Variants in GRHL3 observed in about 807,000 individuals in gnomAD.
The protein encoded by GRHL3 is grainyhead like transcription factor 3.
A neutral mutation model predicts 70.3 loss-of-function variants in GRHL3; 20 were observed. That is an observed-to-expected ratio of 0.28 (90% confidence interval 0.20 to 0.41). The LOEUF is 0.41. Among genes scored for constraint, GRHL3 ranks in the 10% least tolerant of loss-of-function variants. The probability of loss-of-function intolerance (pLI) is 1.00; values close to 1 mark genes in which losing one functional copy is unlikely to be tolerated. For synonymous variants in GRHL3, 299 were observed against 299.9 expected (o/e 1.00, Z 0.03); for missense variants, 637 against 762.3 (o/e 0.84, Z 1.94).
At chr1:24,349,243 C>T (rs1413937390) in intron 14 of GRHL3, among the ~76,000 whole-genome samples, 2 of 152,196 alleles carry the variant, frequency 1.3e-5, no homozygotes, top group African/African-American at 4.8e-5. Flanking sequence ...ACTCAACAAG[C>T]CTCTGACCCA....
At chr1:24,339,330 C>T (rs1021033619) in intron 7 of GRHL3, among the ~76,000 whole-genome samples, 4 of 150,150 alleles carry the variant, frequency 2.7e-5, no homozygotes, top group Non-Finnish European at 3.0e-5. Context: ...GGCTAGAGTG[C>T]AGTGGCGCGA....
chr1:24,363,906 T>C (rs1569974990), intron 15 of GRHL3, among the ~76,000 whole-genome samples: 1 of 152,188 alleles, frequency 6.6e-6, no homozygotes, highest in South Asian at 2.1e-4. Context: ...CTAGACTGCC[T>C]TCAACCCTCC....
chr1:24,353,258 G>A (rs980051769), intron 15 of GRHL3, among the ~76,000 whole-genome samples: 6 of 152,092 alleles, frequency 3.9e-5, no homozygotes, highest in African/African-American at 1.4e-4. Context: ...CAAAACTCCT[G>A]GAAGGCAGGA....
Position 24,322,608 on chromosome 1 carries a change from G to C in GRHL3, c.17+3040G>C, listed in dbSNP as rs1639241509. On this transcript the variant is annotated intron_variant, in intron 1 of 15. Coordinates refer to ENST00000361548, the MANE Select transcript of GRHL3 (RefSeq NM_198173.3). The surrounding 1 kb of genome is among the most constrained non-coding windows in gnomAD (Gnocchi z 4.4). ...CGGCGGCGGCCCGGGCGGCGCGGGG[G>C]TCCTGCGGCTCCGCCAGCTGCTGGG... Among the ~76,000 whole-genome samples the C allele has an allele frequency of 6.6e-6, 1 of 152,230 alleles. No individual in the cohort carries two copies. Among genetic ancestry groups the C allele is most frequent in the African/African-American group, 2.4e-5 (1 of 41,466 alleles).
chr1:24,362,915 G>A (rs959622433), intron 15 of GRHL3, among the ~76,000 whole-genome samples: 2 of 152,216 alleles, frequency 1.3e-5, no homozygotes, highest in African/African-American at 4.8e-5. Flanking sequence ...GTTACAGGGT[G>A]TAATCAACAA....
intron 5 of GRHL3, 104 bp from the exon 6 acceptor site, chr1:24,337,532 A>G: frequency 8.0e-7 from 1 of 1,243,508 alleles, no homozygotes; most frequent in Non-Finnish European, 1.1e-6. Context: ...TCCAAGGTCA[A>G]ACAGCAAGTC....
chr1:24,364,198 C>T (rs1641300949), exon 16 of GRHL3: 1 of 1,516,028 alleles, frequency 6.6e-7, no homozygotes, highest in African/African-American at 1.4e-5. Context: ...AACTTCTCTC[C>T]TCCACCCACG....
At chr1:24,356,305 C>G (rs1030931947), downstream of GRHL3, among the ~76,000 whole-genome samples, 7 of 146,818 alleles carry the variant, frequency 4.8e-5, no homozygotes, top group Non-Finnish European at 1.1e-4. Flanking sequence ...TGGAGTGGCA[C>G]GATCTCGACT....
chr1:24,342,744 G>A lies in GRHL3; in HGVS notation c.1257G>A (p.Lys419=), dbSNP rs1640093186. Residue 419 remains lysine, a synonymous_variant, in exon 10 of 16, where the codon AAG becomes AAA. Coordinates refer to ENST00000361548, the MANE Select transcript of GRHL3 (RefSeq NM_198173.3). The surrounding 1 kb of genome is among the most constrained non-coding windows in gnomAD (Gnocchi z 4.8). ...ACGAGCGGAAGCAGTTCCGGAGGAA[G>A]GTCAAGTGCCCTGACTCCAGCAACA... is the stretch of plus-strand genomic sequence containing the variant. ...RDDERKQFRR[K]VKCPDSSNSG... 3 of 1,614,122 alleles carry A rather than the reference G, an allele frequency of 1.9e-6. No individual in the cohort carries two copies. Among genetic ancestry groups the A allele is most frequent in the South Asian group, 1.1e-5 (1 of 91,088 alleles).
intron 1 of GRHL3, among the ~76,000 whole-genome samples, chr1:24,325,822 C>T (rs1181281355): frequency 6.6e-6 from 1 of 152,238 alleles, no homozygotes; most frequent in African/African-American, 2.4e-5. Flanking sequence ...ATCAGGTAGA[C>T]CCCTGAGCTC....
At chr1:24,346,168 C>A (rs1302036907) in intron 12 of GRHL3, among the ~76,000 whole-genome samples, 1 of 148,112 alleles carries the variant, frequency 6.8e-6, no homozygotes, top group African/African-American at 2.5e-5. Flanking sequence ...TAAAAAGGAA[C>A]GATGATGATG....
In GRHL3 at chr1:24,342,755, C is replaced by T; in HGVS notation, c.1268C>T (p.Pro423Leu). The T allele has an allele frequency of 6.2e-7, 1 of 1,614,186 alleles. No homozygotes were observed. Residue 423 changes from proline (P) to leucine (L), a missense_variant, in exon 10 of 16, where the codon CCT (proline) becomes CTT (leucine). Physicochemically the swap from Pro to Leu is moderately conservative, Grantham distance 98. Around this residue, in one of 2 missense-constraint regions of GRHL3, gnomAD observed 387 missense variants for 513.8 expected, o/e 0.75. Transcript: ENST00000361548. This position sits in a 1 kb window ranked among gnomAD's most constrained non-coding sequence, Gnocchi z 4.8. ...RKQFRRKVKCPDSSNSGVKGC... is the reference protein window; with the variant it reads ...RKQFRRKVKCLDSSNSGVKGC... ...CAGTTCCGGAGGAAGGTCAAGTGCC[C>T]TGACTCCAGCAACAGTGGTCAGTGG...
downstream of GRHL3, among the ~76,000 whole-genome samples, chr1:24,356,417 T>A (rs1269233592): frequency 6.6e-6 from 1 of 151,916 alleles, no homozygotes; most frequent in Non-Finnish European, 1.5e-5. Context: ...TTTTTTGTAT[T>A]TTTAGTAAAG....
chr1:24,337,475 G>A lies in GRHL3; in HGVS notation c.687-161G>A, dbSNP rs11809452. 0.12 allele frequency: 82,617 copies of A among 708,586 alleles called. 5,675 individuals are homozygous for A. The highest frequency in any genetic ancestry group is 0.24 in the African/African-American group (13,263 of 55,798). The allele number at this position is 708,586 out of a possible 1,614,324, so 43.9% of individuals were successfully genotyped here. Reference sequence around the variant, plus strand: ...TGTGGCTCAACAAAGCCATTAAATAGAACCCCCAAATTGAGGAAACTGGGG... The same window carrying A: ...TGTGGCTCAACAAAGCCATTAAATAAAACCCCCAAATTGAGGAAACTGGGG... On this transcript the variant is annotated intron_variant, in intron 5 of 15. Coordinates refer to ENST00000361548, the MANE Select transcript of GRHL3 (RefSeq NM_198173.3).
At chr1:24,358,627 G>C (rs768030098), downstream of GRHL3, 19 of 1,606,858 alleles carry the variant, frequency 1.2e-5, no homozygotes, top group Non-Finnish European at 1.4e-5. Context: ...TAGCTGTGAG[G>C]GGACAGAGAG....
intron 2 of GRHL3, among the ~76,000 whole-genome samples, chr1:24,331,874 G>A (rs1057204499): frequency 5.3e-5 from 8 of 152,126 alleles, no homozygotes; most frequent in Non-Finnish European, 1.0e-4. Context: ...CACCATCGTC[G>A]TCCTTGATGC....
intron 15 of GRHL3, chr1:24,364,121 G>T: frequency 1.4e-6 from 2 of 1,465,532 alleles, no homozygotes; most frequent in Non-Finnish European, 1.8e-6. Context: ...TGTTCCTTCT[G>T]TGAGAAACAC....
chr1:24,338,148 C>A, intron 7 of GRHL3, 45 bp downstream of exon 7: 2 of 1,294,612 alleles, frequency 1.5e-6, no homozygotes, highest in Non-Finnish European at 2.2e-6. Flanking sequence ...CTCTCTCTCC[C>A]CACCCCCGCA....
rs747314561 is a variant in GRHL3, at chr1:24,319,513, G to A, written c.-39G>A. On this transcript the variant is annotated 5_prime_UTR_variant, in exon 1 of 16. Coordinates refer to ENST00000361548, the MANE Select transcript of GRHL3 (RefSeq NM_198173.3). ...AAGAATTAGAGACAAGCGGTCAGCA[G>A]AGCCTCAGTGCTGATCGTCGGAGCT... 4 of 1,566,516 alleles carry A rather than the reference G, an allele frequency of 2.6e-6. No homozygotes were observed. The East Asian group carries it at 6.7e-5, about 26-fold the overall frequency.
Sources: allele counts gnomAD v4.1 joint callset (sites outside exome capture counted in the v4.1 genomes callset), GRCh38; gene constraint gnomAD v4.1.1; regional missense constraint gnomAD v4.1.1; non-coding constraint Gnocchi (gnomAD v3.1); transcripts MANE v1.5; gene names NCBI Gene and HGNC (gene_info 2026-07-23, HGNC 2026-07-21).